The following ANKRD33B variants were observed in gnomAD, a reference collection of about 807,000 sequenced individuals.
ANKRD33B encodes ankyrin repeat domain-containing protein 33B.
A neutral mutation model predicts 21.5 loss-of-function variants in ANKRD33B; 6 were observed. That is an observed-to-expected ratio of 0.28 (90% CI 0.15 to 0.55). The LOEUF is 0.55. ANKRD33B is among the 20% of genes least tolerant of loss of function. ANKRD33B has a pLI of 0.94. For missense variants in ANKRD33B, 698 were observed against 747.2 expected (o/e 0.93, Z 0.77); for synonymous variants, 347 against 342.4 (o/e 1.01, Z -0.15).
chr5:10,613,919 A>G (rs923082279), intron 1 of ANKRD33B, among the ~76,000 whole-genome samples: 2 of 150,486 alleles, frequency 1.3e-5, no homozygotes, highest in African/African-American at 4.9e-5. Flanking sequence ...AAAAAAGTTG[A>G]AAGTAGTTCT....
chr5:10,607,062 G>A (rs942160428), intron 1 of ANKRD33B, among the ~76,000 whole-genome samples: 2 of 151,992 alleles, frequency 1.3e-5, no homozygotes, highest in Non-Finnish European at 2.9e-5. Flanking sequence ...GCCCAATCAA[G>A]TATCAAAGAC....
At chr5:10,611,466 C>T (rs1163368157) in intron 1 of ANKRD33B, among the ~76,000 whole-genome samples, 1 of 152,154 alleles carries the variant, frequency 6.6e-6, no homozygotes, top group Non-Finnish European at 1.5e-5. Context: ...CAACACTGAT[C>T]TGTGGTTAAG....
chr5:10,633,569 C>G (rs1335879210), intron 2 of ANKRD33B, among the ~76,000 whole-genome samples: 2 of 152,216 alleles, frequency 1.3e-5, no homozygotes, highest in Admixed American at 1.3e-4. Context: ...TGTCAATTCA[C>G]CATTATTAAC....
chr5:10,642,370 C>T (rs1737080322), intron 3 of ANKRD33B, among the ~76,000 whole-genome samples: 1 of 152,196 alleles, frequency 6.6e-6, no homozygotes, highest in South Asian at 2.1e-4. Flanking sequence ...ACTTTGCAAG[C>T]CCATCCCCCA....
chr5:10,608,338 A>G (rs1169432829), intron 1 of ANKRD33B, among the ~76,000 whole-genome samples: 1 of 151,356 alleles, frequency 6.6e-6, no homozygotes, highest in Non-Finnish European at 1.5e-5. Context: ...AGCCTAGGCA[A>G]CAGAGCGAGA....
intron 1 of ANKRD33B, among the ~76,000 whole-genome samples, chr5:10,592,711 C>T (rs1490752513): frequency 2.6e-5 from 4 of 152,104 alleles, no homozygotes; most frequent in South Asian, 4.1e-4. Context: ...TCTTGGCCAC[C>T]TGTCTGCTCC....
Position 10,650,190 on chromosome 5 carries a change from G to A in ANKRD33B, c.*77G>A, listed in dbSNP as rs1192991635. The A allele has an allele frequency of 2.2e-6, 3 of 1,364,798 alleles. No individual in the cohort carries two copies. The highest frequency in any genetic ancestry group is 9.5e-7 in the Non-Finnish European group (1 of 1,054,764). The allele number at this position is 1,364,798 out of a possible 1,614,324, so 84.5% of individuals were successfully genotyped here. A position where few individuals can be genotyped will look rare whatever the true frequency, so the allele number is the denominator to read the frequency against. ...AGGGCTGGGCGCGGAGAAGGAGGCG[G>A]CCCCGTTGCGCATCGCACCACTTCC... On this transcript the variant is annotated 3_prime_UTR_variant, in exon 4 of 4. Coordinates refer to ENST00000296657, the MANE Select transcript of ANKRD33B (RefSeq NM_001164440.2).
At chr5:10,570,119 C>T (rs1387757794) in intron 1 of ANKRD33B, among the ~76,000 whole-genome samples, 5 of 152,124 alleles carry the variant, frequency 3.3e-5, no homozygotes, top group Non-Finnish European at 7.4e-5. Flanking sequence ...TCAAGTGATC[C>T]ACCCACCTCG....
chr5:10,636,882 G>A lies in ANKRD33B; in HGVS notation c.497-1146G>A, dbSNP rs150752891. Among the ~76,000 whole-genome samples, 505 of 152,344 alleles carry A rather than the reference G, an allele frequency of 3.3e-3. 3 individuals are homozygous for A. The highest frequency in any genetic ancestry group is 0.011 in the African/African-American group (467 of 41,566). On this transcript the variant is annotated intron_variant, in intron 2 of 3. Transcript: ENST00000296657. ...GGGGTGTTCTTGCCCCACCGATGGC[G>A]GTTTGGTGGTGTCTGGACACAGTTT...
intron 3 of ANKRD33B, 28 bp from the exon 4 acceptor site, chr5:10,649,238 A>G (rs1377791193): frequency 2.7e-5 from 41 of 1,499,470 alleles, no homozygotes; most frequent in Non-Finnish European, 3.6e-5. Context: ...GCCGCCACCC[A>G]CTTCTGTTTG....
chr5:10,587,574 GA>G (rs1213878378), intron 1 of ANKRD33B, among the ~76,000 whole-genome samples: 5 of 135,920 alleles, frequency 3.7e-5, no homozygotes, highest in African/African-American at 8.1e-5. Context: ...TGTGGAAAAT[GA>G]AAAAAAAAAG....
intron 2 of ANKRD33B, among the ~76,000 whole-genome samples, chr5:10,636,458 T>A (rs937852538): frequency 1.6e-4 from 8 of 51,210 alleles, no homozygotes; most frequent in South Asian, 6.7e-4. Flanking sequence ...CAAAAAAAAA[T>A]TTTTTTTAAT....
At position 10,652,173 on chromosome 5, in the gene ANKRD33B, C is replaced by T. The variant is rs957898172; in HGVS notation, c.*2060C>T. 1 of 152,490 alleles carries T rather than the reference C, an allele frequency of 6.6e-6. No homozygotes were observed. The highest frequency in any genetic ancestry group is 2.4e-5 in the African/African-American group (1 of 41,444). The allele number at this position is 152,490 out of a possible 1,614,324, so 9.4% of individuals were successfully genotyped here. A position where few individuals can be genotyped will look rare whatever the true frequency, so the allele number is the denominator to read the frequency against. Reference sequence around the variant, plus strand: ...CAAGTCACCACGAGCCCCACCCTCACCTCTGTCAACCGAGGACCCAGCCAG... The same window carrying T: ...CAAGTCACCACGAGCCCCACCCTCATCTCTGTCAACCGAGGACCCAGCCAG... On this transcript the variant is annotated 3_prime_UTR_variant, in exon 4 of 4. Transcript: ENST00000296657. The surrounding 1 kb of genome is among the most constrained non-coding windows in gnomAD (Gnocchi z 4.1).
Position 10,575,094 on chromosome 5 carries a change from AC to A in ANKRD33B, c.366+10262del, listed in dbSNP as rs67520522. On this transcript the variant is annotated intron_variant, in intron 1 of 3. Transcript: ENST00000296657. ...CACAATGAAACCCTGTTTCCAAGAA[AC>A]AAACAAACAAACAAACAAACAATTC... Among the ~76,000 whole-genome samples, 26 of 51,540 alleles carry A rather than the reference AC, an allele frequency of 5.0e-4. 11 individuals are homozygous for A. The highest frequency in any genetic ancestry group is 1.2e-3 in the Admixed American group (4 of 3,256). 33.8% of individuals were successfully genotyped at this position (51,540 alleles called of 152,430 possible).
intron 1 of ANKRD33B, 67 bp downstream of exon 1, chr5:10,564,900 C>G (rs933001513): frequency 1.1e-4 from 163 of 1,436,376 alleles, no homozygotes; most frequent in Non-Finnish European, 1.5e-4. Context: ...CCCACCACAT[C>G]CCCGCGCCTC....
chr5:10,610,931 C>G (rs971854190), intron 1 of ANKRD33B, among the ~76,000 whole-genome samples: 21 of 152,280 alleles, frequency 1.4e-4, no homozygotes, highest in African/African-American at 4.3e-4. Context: ...GTAATCCCAG[C>G]TACCTGGGAG....
intron 1 of ANKRD33B, among the ~76,000 whole-genome samples, chr5:10,573,467 CAAAAA>C (rs10706973): frequency 2.0e-5 from 2 of 100,730 alleles, no homozygotes; most frequent in South Asian, 3.4e-4. Flanking sequence ...GACTCCGTCT[CAAAAA>C]AAAAAAAAAA....
intron 1 of ANKRD33B, among the ~76,000 whole-genome samples, chr5:10,602,815 A>AT (rs5865898): frequency 0.37 from 52,665 of 143,770 alleles, 10,698 homozygotes; most frequent in East Asian, 0.6. Flanking sequence ...ATTGCTTGTC[A>AT]TTTTTTTTTT....
intron 1 of ANKRD33B, among the ~76,000 whole-genome samples, chr5:10,586,417 A>G (rs997176659): frequency 1.3e-5 from 2 of 151,730 alleles, no homozygotes; most frequent in African/African-American, 4.8e-5. Flanking sequence ...GTGGCTCTCT[A>G]CTTGATTGGA....
Sources: allele counts gnomAD v4.1 joint callset (sites outside exome capture counted in the v4.1 genomes callset), GRCh38; gene constraint gnomAD v4.1.1; non-coding constraint Gnocchi (gnomAD v3.1); transcripts MANE v1.5; gene names NCBI Gene and HGNC (gene_info 2026-07-23, HGNC 2026-07-21).